Variants in SEMA6A observed in about 807,000 individuals in gnomAD.
SEMA6A encodes the protein semaphorin 6A, also known as semaphorin-6A.
SEMA6A carries 25 observed loss-of-function variants against 96.8 expected under a neutral mutation model. The ratio of observed to expected loss-of-function variants is 0.26; its 90% CI spans 0.19 to 0.36. The LOEUF is 0.36. Among genes scored for constraint, SEMA6A ranks in the 10% least tolerant of loss-of-function variants. SEMA6A has a pLI of 1.00. For synonymous variants in SEMA6A, 612 were observed against 518.0 expected (o/e 1.18, Z -2.46); for missense variants, 1,363 against 1,323.1 (o/e 1.03, Z -0.47).
At chr5:116,448,506 G>T (rs1311803636) in intron 18 of SEMA6A, among the ~76,000 whole-genome samples, 1 of 152,008 alleles carries the variant, frequency 6.6e-6, no homozygotes, top group Non-Finnish European at 1.5e-5. Context: ...GGATAACCAA[G>T]TTATCCTGAG....
chr5:116,571,910 T>C (rs1392125524), intron 1 of SEMA6A, among the ~76,000 whole-genome samples: 2 of 152,192 alleles, frequency 1.3e-5, no homozygotes, highest in Non-Finnish European at 2.9e-5. Flanking sequence ...TAGTCAGAAT[T>C]AAACATAGGC....
chr5:116,478,213 C>T, intron 13 of SEMA6A, 59 bp from the exon 14 acceptor site: 1 of 1,561,962 alleles, frequency 6.4e-7, no homozygotes, highest in South Asian at 1.2e-5. Flanking sequence ...CTCGGCCCCA[C>T]CCTCACATCC....
chr5:116,510,564 T>G (rs755074446), intron 1 of SEMA6A, among the ~76,000 whole-genome samples: 12 of 152,166 alleles, frequency 7.9e-5, no homozygotes, highest in Non-Finnish European at 1.0e-4. Context: ...CCTCAATAAA[T>G]GTTTATTTAT....
chr5:116,464,171 G>A (rs1023627481), intron 18 of SEMA6A, among the ~76,000 whole-genome samples: 10 of 152,100 alleles, frequency 6.6e-5, no homozygotes, highest in African/African-American at 4.8e-5. Flanking sequence ...TACCCATTAC[G>A]ACCTCAATAG....
intron 1 of SEMA6A, among the ~76,000 whole-genome samples, chr5:116,556,481 A>G (rs1760611458): frequency 6.6e-6 from 1 of 152,220 alleles, no homozygotes; most frequent in African/African-American, 2.4e-5. Flanking sequence ...TGTACCAGAC[A>G]TCATTCTGGT....
At chr5:116,550,050 T>G (rs547054420) in intron 1 of SEMA6A, 3 of 152,172 alleles carry the variant, frequency 2.0e-5, no homozygotes, top group African/African-American at 7.2e-5. Context: ...TGCATTGCTT[T>G]AGGATTTGAG....
At chr5:116,461,947 A>G (rs1755431959) in intron 18 of SEMA6A, among the ~76,000 whole-genome samples, 1 of 152,154 alleles carries the variant, frequency 6.6e-6, no homozygotes, top group African/African-American at 2.4e-5. Context: ...GTTTTTGTTA[A>G]CGGTAATATT....
chr5:116,559,361 C>G (rs2112900783), intron 1 of SEMA6A, among the ~76,000 whole-genome samples: 1 of 152,298 alleles, frequency 6.6e-6, no homozygotes, highest in South Asian at 2.1e-4. Context: ...AGGAAGACAG[C>G]TGGCCGGAAG....
At chr5:116,519,193 C>T (rs1758812450) in intron 1 of SEMA6A, among the ~76,000 whole-genome samples, 1 of 152,202 alleles carries the variant, frequency 6.6e-6, no homozygotes, top group Admixed American at 6.5e-5. Flanking sequence ...AGCTGGAACA[C>T]TGCTCCACTA....
chr5:116,530,983 G>A (rs1208641490), intron 1 of SEMA6A, among the ~76,000 whole-genome samples: 3 of 152,156 alleles, frequency 2.0e-5, no homozygotes, highest in African/African-American at 7.2e-5. Context: ...GACAGATAAG[G>A]AGACTTCCCA....
chr5:116,525,720 T>C (rs2112827321), intron 1 of SEMA6A, among the ~76,000 whole-genome samples: 1 of 152,290 alleles, frequency 6.6e-6, no homozygotes, highest in East Asian at 1.9e-4. Context: ...TTCAGTACCG[T>C]GCCAATGTAA....
At chr5:116,545,566 A>T (rs960168389) in intron 1 of SEMA6A, among the ~76,000 whole-genome samples, 2 of 152,056 alleles carry the variant, frequency 1.3e-5, no homozygotes, top group South Asian at 4.2e-4. Flanking sequence ...GCGAAACTTC[A>T]TCTTAAAAAA....
At chr5:116,454,812 A>T (rs929131824) in intron 18 of SEMA6A, among the ~76,000 whole-genome samples, 2 of 141,842 alleles carry the variant, frequency 1.4e-5, no homozygotes, top group Non-Finnish European at 3.2e-5. Flanking sequence ...GTGTGTGTGC[A>T]TGTGTGTGTG....
intron 17 of SEMA6A, chr5:116,472,665 T>C (rs1472911558): frequency 8.3e-6 from 4 of 484,162 alleles, no homozygotes; most frequent in African/African-American, 2.0e-5. Flanking sequence ...TATTTCATGT[T>C]ATCTGGATTA....
chr5:116,505,478 C>T (rs1758105601), intron 1 of SEMA6A, among the ~76,000 whole-genome samples: 1 of 151,904 alleles, frequency 6.6e-6, no homozygotes, highest in Non-Finnish European at 1.5e-5. Flanking sequence ...CACACACACA[C>T]ACACACATCT....
At chr5:116,450,475 A>G (rs546780633) in intron 18 of SEMA6A, among the ~76,000 whole-genome samples, 1 of 152,302 alleles carries the variant, frequency 6.6e-6, no homozygotes, top group South Asian at 2.1e-4. Context: ...GAAAACTGCA[A>G]ATTTTTCACA....
At chr5:116,484,429 C>CCCTA (rs1210192373) in intron 10 of SEMA6A, among the ~76,000 whole-genome samples, 7 of 151,956 alleles carry the variant, frequency 4.6e-5, no homozygotes, top group African/African-American at 1.5e-4. Flanking sequence ...TTTATAGAAC[C>CCCTA]CCTACTTAAG....
At chr5:116,487,656 GGAGTTC>G (rs1197214102) in intron 9 of SEMA6A, among the ~76,000 whole-genome samples, 2 of 152,132 alleles carry the variant, frequency 1.3e-5, no homozygotes, top group African/African-American at 4.8e-5. Context: ...CTTGAGGTCA[GGAGTTC>G]GAGACCACCC....
chr5:116,553,856 G>A (rs537810636), intron 1 of SEMA6A, among the ~76,000 whole-genome samples: 9 of 152,240 alleles, frequency 5.9e-5, no homozygotes, highest in Middle Eastern at 3.4e-3. Flanking sequence ...CACTCCATAC[G>A]ATACAGCAAC....
Sources: gnomAD v4.1 joint callset for allele counts (sites outside exome capture counted in the v4.1 genomes callset) on GRCh38, gnomAD v4.1.1 for gene constraint, MANE v1.5 for transcripts, NCBI Gene and HGNC (gene_info 2026-07-23, HGNC 2026-07-21) for gene names.